Variants in ZNF219 observed in about 807,000 individuals in gnomAD.
The protein encoded by ZNF219 is zinc finger protein 219.
ZNF219 carries 17 observed loss-of-function variants against 54.4 expected under a neutral mutation model. That is an observed-to-expected ratio of 0.31 (90% CI 0.21 to 0.47). The LOEUF (loss-of-function observed/expected upper bound fraction) is 0.47, where lower values mean the gene tolerates loss of function less well. ZNF219 is among the 20% of genes least tolerant of loss of function. ZNF219 has a pLI of 1.00. For missense variants in ZNF219, 1,014 were observed against 1,062.3 expected (o/e 0.95, Z 0.63); for synonymous variants, 518 against 476.4 (o/e 1.09, Z -1.14).
upstream of ZNF219, chr14:21,102,537 G>C (rs1211785010): frequency 6.4e-7 from 1 of 1,551,786 alleles, no homozygotes. Context: ...TGAAGGAGAA[G>C]GTGGGAGGAT....
chr14:21,091,585 C>T (rs1402309920), intron 3 of ZNF219, 43 bp from the exon 4 acceptor site: 5 of 1,571,612 alleles, frequency 3.2e-6, no homozygotes, highest in Non-Finnish European at 4.3e-6. Context: ...GGCCCACACC[C>T]TGTCCAGGTG....
upstream of ZNF219, chr14:21,101,393 T>C (rs1351635673): frequency 3.2e-6 from 5 of 1,551,676 alleles, no homozygotes; most frequent in East Asian, 7.3e-5. Context: ...AGCCTTCGTC[T>C]GGAAAAGCTA....
In ZNF219 at chr14:21,093,256, G is replaced by T; in HGVS notation, c.41C>A (p.Ala14Glu). Residue 14 changes from alanine (A) to glutamate (E), a missense_variant, in exon 3 of 5, where the codon GCG becomes GAG. Ala to Glu is a moderately radical substitution (Grantham distance 107). Transcript: ENST00000360947. ...SRPRAPSGHL[A>E]PSPPAFDGEL... ...GCCGTCGAAAGCCGGCGGCGACGGC[G>T]CTAAGTGGCCGCTCGGGGCGCGGGG... The T allele has an allele frequency of 6.3e-7, 1 of 1,595,676 alleles. No homozygotes were observed.
chr14:21,104,222 G>A (rs532159354), intron 1 of ZNF219: 6 of 152,398 alleles, frequency 3.9e-5, no homozygotes, highest in Non-Finnish European at 8.8e-5. Flanking sequence ...GGTGTAACGA[G>A]CCTGCGCTGC....
upstream of ZNF219, chr14:21,101,366 A>G: frequency 6.4e-7 from 1 of 1,551,682 alleles, no homozygotes; most frequent in Non-Finnish European, 8.7e-7. Flanking sequence ...GCTGGTGAGC[A>G]AGAGCAGGAG....
intron 1 of ZNF219, chr14:21,094,463 A>T: frequency 2.2e-6 from 1 of 453,412 alleles, no homozygotes; most frequent in South Asian, 1.6e-5. Flanking sequence ...CCCTTTGTCC[A>T]GGGCTGTTCC....
intron 1 of ZNF219, among the ~76,000 whole-genome samples, chr14:21,095,050 G>A (rs1889216298): frequency 6.6e-6 from 1 of 151,750 alleles, no homozygotes; most frequent in Admixed American, 6.6e-5. Flanking sequence ...TAATAGAAAA[G>A]AACTGTGCCA....
intron 1 of ZNF219, chr14:21,094,424 G>A (rs999527999): frequency 1.1e-5 from 5 of 455,768 alleles, no homozygotes; most frequent in African/African-American, 1.0e-4. Context: ...TCAAACCTTG[G>A]AGCCTGCAGT....
upstream of ZNF219, chr14:21,103,361 A>C: frequency 6.9e-7 from 1 of 1,457,422 alleles, no homozygotes. Flanking sequence ...TTCAGTTTTC[A>C]CTCAAAGCAG....
intron 1 of ZNF219, among the ~76,000 whole-genome samples, chr14:21,095,012 T>G (rs1889214812): frequency 6.6e-6 from 1 of 151,176 alleles, no homozygotes. Flanking sequence ...AAGAAAAAGA[T>G]GCAAGCATTA....
In ZNF219 at chr14:21,090,788, G is replaced by A. The variant is rs566706518; in HGVS notation, c.1917C>T (p.Ala639=). 1.9e-6 allele frequency: 3 copies of A among 1,587,470 alleles called. No homozygotes were observed. Among genetic ancestry groups the A allele is most frequent in the African/African-American group, 1.3e-5 (1 of 74,722 alleles). Residue 639 remains alanine (A), a synonymous_variant, in exon 5 of 5, where the codon GCC becomes GCT. Transcript: ENST00000360947. This position sits in a 1 kb window ranked among gnomAD's most constrained non-coding sequence, Gnocchi z 4.4. ...LSLRAGPGGE[A]GPGGALHRCL... ...AGCGGTGGAGGGCACCCCCAGGCCC[G>A]GCCTCGCCTCCCGGCCCTGCCCGCA...
chr14:21,091,599 C>T (rs190873590), intron 3 of ZNF219, 57 bp from the exon 4 acceptor site: 71 of 1,560,882 alleles, frequency 4.5e-5, no homozygotes, highest in Non-Finnish European at 5.8e-5. Context: ...CCAGGTGCCG[C>T]GCACCCACCC....
Position 21,093,009 on chromosome 14 carries a change from C to A in ZNF219, c.288G>T (p.Gln96His). The A allele has an allele frequency of 1.3e-6, 2 of 1,598,474 alleles. No homozygotes were observed. The highest frequency in any genetic ancestry group is 1.3e-5 in the African/African-American group (1 of 74,742). ...GCAGGTGCGAGCGCAGCAGAGCCCG[C>A]TGCGCCGCGCGGTGGCCGCAGTGAG... The part of the protein sequence containing the change: ...QCPHCGHRAA[Q>H]RALLRSHLRT... Residue 96 changes from glutamine (Q) to histidine (H), a missense_variant, in exon 3 of 5, where the codon CAG becomes CAT. Gln to His is a conservative substitution (Grantham distance 24). Coordinates refer to ENST00000360947, the MANE Select transcript of ZNF219 (RefSeq NM_016423.3).
Position 21,092,609 on chromosome 14 carries a change from GC to G in ZNF219, c.687del (p.Gln229HisfsTer93). Reference protein sequence around the residue: ...LAATSAAPPPQPQPQPPPQPE... With the variant: ...LAATSAAPPPXPQPQPPPQPE... Reference sequence around the variant, plus strand: ...GGCTGGGGTGGAGGCTGAGGCTGAGGCTGAGGCGGAGGCGCAGCGGAGGTGG... The same window carrying G: ...GGCTGGGGTGGAGGCTGAGGCTGAGGTGAGGCGGAGGCGCAGCGGAGGTGG... On this transcript the variant is annotated frameshift_variant, in exon 3 of 5. Transcript: ENST00000360947. LOFTEE classifies it high-confidence loss of function. 6.4e-7 allele frequency: 1 copy of G among 1,551,244 alleles called. No homozygotes were observed. Among genetic ancestry groups the G allele is most frequent in the East Asian group, 2.4e-5 (1 of 42,006 alleles).
At chr14:21,103,143 T>C, upstream of ZNF219, 1 of 1,551,722 alleles carries the variant, frequency 6.4e-7, no homozygotes, top group Non-Finnish European at 8.7e-7. Flanking sequence ...TTTCAGGGCT[T>C]CTCTGAGTTG....
chr14:21,092,029 G>A lies in ZNF219; in HGVS notation c.1268C>T (p.Ala423Val), dbSNP rs368640845. The change falls in exon 3 of 5, where the codon GCG becomes GTG. Residue 423 changes from alanine (A) to valine (V), a missense_variant. Physicochemically the swap from Ala to Val is moderately conservative, Grantham distance 64. This residue lies in a region of ZNF219 where 272 missense variants were observed against 248.9 expected (regional missense o/e 1.09). Coordinates refer to ENST00000360947, the MANE Select transcript of ZNF219 (RefSeq NM_016423.3). ...ALPARARRHR[A>V]EEPEEEEEVV... is the part of the protein sequence containing the mutation. ...CTCCTCTTCTTCCTCAGGCTCCTCCGCACGGTGCCGGCGAGCCCGGGCCGG... is the reference window on the plus strand; with the variant it reads ...CTCCTCTTCTTCCTCAGGCTCCTCCACACGGTGCCGGCGAGCCCGGGCCGG... The A allele has an allele frequency of 3.1e-5, 48 of 1,550,234 alleles. No individual in the cohort carries two copies. The highest frequency in any genetic ancestry group is 3.9e-5 in the Non-Finnish European group (45 of 1,147,386).
intron 1 of ZNF219, chr14:21,097,527 G>A (rs1195217203): frequency 6.6e-6 from 1 of 152,280 alleles, no homozygotes; most frequent in Non-Finnish European, 1.5e-5. Context: ...CTGGGAGGTA[G>A]GGGCGATCAA....
chr14:21,104,495 T>C (rs1232754479), intron 1 of ZNF219: 1 of 152,078 alleles, frequency 6.6e-6, no homozygotes, highest in Non-Finnish European at 1.5e-5. Context: ...ACAGCTGGAG[T>C]ACCAAGAGAA....
intron 1 of ZNF219, among the ~76,000 whole-genome samples, chr14:21,094,875 T>C (rs1889207070): frequency 6.6e-6 from 1 of 150,538 alleles, no homozygotes; most frequent in Non-Finnish European, 1.5e-5. Flanking sequence ...TAGAATAGTA[T>C]CTGGTCAAGG....
Sources: gnomAD v4.1 joint callset for allele counts (sites outside exome capture counted in the v4.1 genomes callset) on GRCh38, gnomAD v4.1.1 for gene constraint, gnomAD v4.1.1 regional missense constraint, Gnocchi (gnomAD v3.1) non-coding constraint, MANE v1.5 for transcripts, NCBI Gene and HGNC (gene_info 2026-07-23, HGNC 2026-07-21) for gene names.